The following HMCN2 variants were observed in gnomAD, a reference collection of about 807,000 sequenced individuals.
The protein encoded by HMCN2 is hemicentin-2.
HMCN2 carries 325 observed loss-of-function variants against 377.5 expected under a neutral mutation model. The observed-to-expected ratio is 0.86, with a 90% CI of 0.79 to 0.94. HMCN2 has a LOEUF of 0.94. HMCN2 is among the 40% of genes least tolerant of loss of function. The pLI, the probability that HMCN2 is intolerant of heterozygous loss-of-function variation, is 0.00. For synonymous variants in HMCN2, 2,007 were observed against 2,046.8 expected (o/e 0.98, Z 0.53); for missense variants, 4,543 against 4,725.3 (o/e 0.96, Z 1.13).
At chr9:130,338,781 T>C (rs1368759164) in intron 23 of HMCN2, among the ~76,000 whole-genome samples, 1 of 152,262 alleles carries the variant, frequency 6.6e-6, no homozygotes, top group Non-Finnish European at 1.5e-5. Flanking sequence ...TGCCCTCCTG[T>C]TTTCAGAGAT....
chr9:130,382,668 C>T lies in HMCN2; in HGVS notation c.8546-11C>T. 1 of 982,742 alleles carries T rather than the reference C, an allele frequency of 1.0e-6. No individual in the cohort carries two copies. Among genetic ancestry groups the T allele is most frequent in the Non-Finnish European group, 1.2e-6 (1 of 827,382 alleles). 60.9% of individuals were successfully genotyped at this position (982,742 alleles called of 1,614,324 possible). On this transcript the variant is annotated splice_polypyrimidine_tract_variant and intron_variant, in intron 55 of 97. Transcript: ENST00000683500. ...GTGCCAGCCCCTCAGCCCCCTCTCC[C>T]CCACCCCCAGCCCCACCTGTGATCC...
Position 130,410,558 on chromosome 9 carries a change from T to C in HMCN2, c.12880-13T>C, listed in dbSNP as rs1843354756. On this transcript the variant is annotated splice_polypyrimidine_tract_variant and intron_variant, in intron 84 of 97. Transcript: ENST00000683500. ...TCTGAGCACCATGCCTCCTCTCCTG[T>C]GCCCACTTGCAGAGGGACGATGCGG... 2 of 1,549,704 alleles carry C rather than the reference T, an allele frequency of 1.3e-6. No homozygotes were observed. The highest frequency in any genetic ancestry group is 2.4e-5 in the South Asian group (2 of 84,040).
In HMCN2 at chr9:130,312,608, CTT is replaced by C. The variant is rs1837329142; in HGVS notation, c.2350+2549_2350+2550del. 2.4e-4 allele frequency among the ~76,000 whole-genome samples: 26 copies of C among 110,604 alleles called. 1 individual carries two copies. Among genetic ancestry groups the C allele is most frequent in the South Asian group, 3.8e-4 (1 of 2,640 alleles). 72.6% of individuals were successfully genotyped at this position (110,604 alleles called of 152,430 possible). ...TCTTTCTTTCTTTCTTTCTTTCTTT[CTT>C]TCTTTCTCTGTCTCTCTCTTTCTTT... On this transcript the variant is annotated intron_variant, in intron 15 of 97. Transcript: ENST00000683500.
Position 130,298,253 on chromosome 9 carries a change from C to T in HMCN2, c.1013-772C>T, listed in dbSNP as rs1417836127. ...ACAGTCATGAGCCACCATGCCAGGC[C>T]AAGATAATTTTTTTTAAAGAGAAAC... On this transcript the variant is annotated intron_variant, in intron 7 of 97. Coordinates refer to ENST00000683500, the MANE Select transcript of HMCN2 (RefSeq NM_001291815.2). Among the ~76,000 whole-genome samples the T allele has an allele frequency of 2.6e-5, 4 of 152,038 alleles. No homozygotes were observed. The East Asian group carries it at 7.7e-4, about 29-fold the overall frequency.
In HMCN2 at chr9:130,375,879, C is replaced by A; in HGVS notation, c.7808C>A (p.Thr2603Asn). Residue 2603 changes from threonine to asparagine, a missense_variant, in exon 51 of 98, where the codon ACC (threonine) becomes AAC (asparagine). By Grantham distance (65) the Thr-to-Asn change is moderately conservative. Around this residue, in one of 5 missense-constraint regions of HMCN2, gnomAD observed 736 missense variants for 773.2 expected, o/e 0.95. Transcript: ENST00000683500. ...ASRNIQLLPG[T>N]HGLQILNAQK... is the part of the protein sequence containing the mutation. The stretch of plus-strand genomic sequence containing the variant: ...CTGGCCACTGGCCCCCACACAGGTA[C>A]CCACGGGCTGCAGATCCTGAATGCC... 1 of 985,878 alleles carries A rather than the reference C, an allele frequency of 1.0e-6. No individual in the cohort carries two copies. Among genetic ancestry groups the A allele is most frequent in the Non-Finnish European group, 1.2e-6 (1 of 829,996 alleles). The allele number at this position is 985,878 out of a possible 1,614,324, so 61.1% of individuals were successfully genotyped here. A position where few individuals can be genotyped will look rare whatever the true frequency, so the allele number is the denominator to read the frequency against.
rs552166694 is a variant in HMCN2, at chr9:130,414,878, G to C, written c.12962-3894G>C. On this transcript the variant is annotated intron_variant, in intron 85 of 97. Coordinates refer to ENST00000683500, the MANE Select transcript of HMCN2 (RefSeq NM_001291815.2). The surrounding 1 kb of genome is among the most constrained non-coding windows in gnomAD (Gnocchi z 4.4). ...GATCCACCTGCCTCAGCCTCCCAAA[G>C]TGGTGGGATTACAGGCATGAACCAC... 1.5e-3 allele frequency among the ~76,000 whole-genome samples: 228 copies of C among 152,144 alleles called. 1 individual carries two copies. The highest frequency in any genetic ancestry group is 2.5e-3 in the Non-Finnish European group (167 of 67,978).
Position 130,419,035 on chromosome 9 carries a change from G to T in HMCN2, c.13225G>T (p.Val4409Leu), listed in dbSNP as rs1226263039. 2.7e-6 allele frequency: 4 copies of T among 1,489,948 alleles called. No homozygotes were observed. The highest frequency in any genetic ancestry group is 3.6e-6 in the Non-Finnish European group (4 of 1,115,602). 92.3% of individuals were successfully genotyped at this position (1,489,948 alleles called of 1,614,324 possible). A position where few individuals can be genotyped will look rare whatever the true frequency, so the allele number is the denominator to read the frequency against. Residue 4409 changes from valine to leucine, a missense_variant, in exon 86 of 98, where the codon GTG (valine) becomes TTG (leucine). By Grantham distance (32) the Val-to-Leu change is conservative (BLOSUM62 1). Around this residue, in one of 5 missense-constraint regions of HMCN2, gnomAD observed 1,155 missense variants for 1,157.7 expected, o/e 1.00. Transcript: ENST00000683500. ...GSATARAFLV[V>L]RGEPQGSWGS... ...TGCCACAGCCCGGGCGTTCCTGGTC[G>T]TGAGAGGTATGGGGCATCCCTGTCT... is the stretch of plus-strand genomic sequence containing the variant.
rs1396528258 is a variant in HMCN2 at position 130,419,119 on chromosome 9, G to T, written c.13231+78G>T. 3 of 1,354,034 alleles carry T rather than the reference G, an allele frequency of 2.2e-6. No individual in the cohort carries two copies. In the Admixed American group the frequency reaches 9.1e-5, roughly 41 times the overall value. 83.9% of individuals were successfully genotyped at this position (1,354,034 alleles called of 1,614,324 possible). ...GATGGGGATTGTGTGGTGCTTATGG[G>T]AGACCTGTCCCCTGCCTTGCCAGCT... On this transcript the variant is annotated intron_variant, in intron 86 of 97. Coordinates refer to ENST00000683500, the MANE Select transcript of HMCN2 (RefSeq NM_001291815.2).
Position 130,360,669 on chromosome 9 carries a change from T to C in HMCN2, c.5950+65T>C. ...GTTGTCTTTTCATTCATTTGTCTATTAGTCTGTCCATCCACCTGTCCACTC... is the reference window on the plus strand; with the variant it reads ...GTTGTCTTTTCATTCATTTGTCTATCAGTCTGTCCATCCACCTGTCCACTC... On this transcript the variant is annotated intron_variant, in intron 38 of 97. Coordinates refer to ENST00000683500, the MANE Select transcript of HMCN2 (RefSeq NM_001291815.2). This position sits in a 1 kb window ranked among gnomAD's most constrained non-coding sequence, Gnocchi z 4.7. 3 of 1,048,626 alleles carry C rather than the reference T, an allele frequency of 2.9e-6. No homozygotes were observed. The South Asian group carries it at 4.6e-5, about 16-fold the overall frequency. The allele number at this position is 1,048,626 out of a possible 1,614,324, so 65.0% of individuals were successfully genotyped here. A position where few individuals can be genotyped will look rare whatever the true frequency, so the allele number is the denominator to read the frequency against.
rs1417020348 is a variant in HMCN2 at position 130,347,398 on chromosome 9, G to A, written c.4024+38G>A. On this transcript the variant is annotated intron_variant, in intron 26 of 97. Coordinates refer to ENST00000683500, the MANE Select transcript of HMCN2 (RefSeq NM_001291815.2). This position sits in a 1 kb window ranked among gnomAD's most constrained non-coding sequence, Gnocchi z 5.1. Reference sequence around the variant, plus strand: ...CCAGAGCTGGGGGCAAGAGAGGAAAGCGGCAGGGACCCAGAGACGGGCCTG... The same window carrying A: ...CCAGAGCTGGGGGCAAGAGAGGAAAACGGCAGGGACCCAGAGACGGGCCTG... The A allele has an allele frequency of 6.6e-6, 1 of 152,420 alleles. No individual in the cohort carries two copies. Among genetic ancestry groups the A allele is most frequent in the Admixed American group, 6.5e-5 (1 of 15,286 alleles). 9.4% of individuals were successfully genotyped at this position (152,420 alleles called of 1,614,324 possible). A position where few individuals can be genotyped will look rare whatever the true frequency, so the allele number is the denominator to read the frequency against.
chr9:130,314,647 C>CATCCT (rs1437258706), intron 15 of HMCN2, among the ~76,000 whole-genome samples: 1 of 152,174 alleles, frequency 6.6e-6, no homozygotes. Flanking sequence ...CACAGTCTTC[C>CATCCT]ATCCTGAGAC....
chr9:130,384,951 G>A (rs1482950371), intron 59 of HMCN2, among the ~76,000 whole-genome samples, 153 bp downstream of exon 59: 6 of 152,178 alleles, frequency 3.9e-5, no homozygotes, highest in Non-Finnish European at 5.9e-5. Flanking sequence ...AGGGGGAGCA[G>A]TGGGACGGGC....
chr9:130,430,905 C>T (rs1844704038), intron 95 of HMCN2: 1 of 456,432 alleles, frequency 2.2e-6, no homozygotes. Flanking sequence ...TTGAGAAACA[C>T]TCCTCTTAGC....
In HMCN2 at chr9:130,329,891, C is replaced by T. The variant is rs947591113; in HGVS notation, c.3359+2416C>T. Among the ~76,000 whole-genome samples the T allele has an allele frequency of 1.1e-3, 162 of 152,178 alleles. 1 individual carries two copies. The highest frequency in any genetic ancestry group is 3.7e-3 in the African/African-American group (154 of 41,522). ...ACACCCCCTCCGTCCCTCAGTGACT[C>T]GACCAGAACACAGAGACTTAAAAAG... is the stretch of plus-strand genomic sequence containing the variant. On this transcript the variant is annotated intron_variant, in intron 22 of 97. Transcript: ENST00000683500.
chr9:130,351,443 C>G lies in HMCN2; in HGVS notation c.4451C>G (p.Pro1484Arg). 7.7e-7 allele frequency: 1 copy of G among 1,304,248 alleles called. No individual in the cohort carries two copies. The highest frequency in any genetic ancestry group is 1.2e-5 in the South Asian group (1 of 81,010). 80.8% of individuals were successfully genotyped at this position (1,304,248 alleles called of 1,614,324 possible). A position where few individuals can be genotyped will look rare whatever the true frequency, so the allele number is the denominator to read the frequency against. Residue 1484 changes from proline to arginine, a missense_variant, in exon 30 of 98, where the codon CCT (proline) becomes CGT (arginine). By Grantham distance (103) the Pro-to-Arg change is moderately radical. Coordinates refer to ENST00000683500, the MANE Select transcript of HMCN2 (RefSeq NM_001291815.2). The surrounding 1 kb of genome is among the most constrained non-coding windows in gnomAD (Gnocchi z 5.4). ...KDRQPVLPGG[P>R]HLQVQEDGQV... is the part of the protein sequence containing the mutation. ...TCCAGGCCTGTCCTTCCGGGAGGCC[C>G]TCACCTGCAGGTCCAGGAGGATGGC...
At chr9:130,282,752 C>T (rs1554926197) in intron 1 of HMCN2, among the ~76,000 whole-genome samples, 1 of 152,190 alleles carries the variant, frequency 6.6e-6, no homozygotes, top group Non-Finnish European at 1.5e-5. Flanking sequence ...ATTTAGAATT[C>T]CTGAACTAAA....
At chr9:130,317,630 G>T (rs896022140) in intron 15 of HMCN2, among the ~76,000 whole-genome samples, 44 of 151,216 alleles carry the variant, frequency 2.9e-4, no homozygotes, top group Non-Finnish European at 5.7e-4. Context: ...GGGTAGCTGG[G>T]ATTACAGGTG....
intron 18 of HMCN2, among the ~76,000 whole-genome samples, 190 bp from the exon 19 acceptor site, chr9:130,321,597 G>T (rs1837854305): frequency 6.6e-6 from 1 of 152,220 alleles, no homozygotes; most frequent in African/African-American, 2.4e-5. Flanking sequence ...AGCCCTGCAG[G>T]GTCTCTGGAG....
Position 130,393,711 on chromosome 9 carries a change from T to G in HMCN2, c.10235-31T>G. 8.3e-7 allele frequency: 1 copy of G among 1,207,706 alleles called. No homozygotes were observed. The highest frequency in any genetic ancestry group is 1.1e-6 in the Non-Finnish European group (1 of 950,282). The allele number at this position is 1,207,706 out of a possible 1,614,324, so 74.8% of individuals were successfully genotyped here. ...TGGAGATGAGAGTCCTGGAATAAAA[T>G]GGTTCCTGCCCACCTTTCTGCCCTC... On this transcript the variant is annotated intron_variant, in intron 67 of 97. Transcript: ENST00000683500. This position sits in a 1 kb window ranked among gnomAD's most constrained non-coding sequence, Gnocchi z 5.2.
Sources: gnomAD v4.1 joint callset for allele counts (sites outside exome capture counted in the v4.1 genomes callset) on GRCh38, gnomAD v4.1.1 for gene constraint, gnomAD v4.1.1 regional missense constraint, Gnocchi (gnomAD v3.1) non-coding constraint, MANE v1.5 for transcripts, NCBI Gene and HGNC (gene_info 2026-07-23, HGNC 2026-07-21) for gene names.